SYTL2: variants seen among roughly 807,000 people sequenced by gnomAD.
SYTL2 encodes synaptotagmin like 2.
In SYTL2, 165 loss-of-function variants were observed where a neutral mutation model predicts 198.7. The ratio of observed to expected loss-of-function variants is 0.83; its 90% confidence interval spans 0.73 to 0.94. The LOEUF (loss-of-function observed/expected upper bound fraction) is 0.94, where lower values mean the gene tolerates loss of function less well. Among genes scored for constraint, SYTL2 ranks in the 40% least tolerant of loss-of-function variants. The pLI is 0.00. For synonymous variants in SYTL2, 966 were observed against 917.7 expected (o/e 1.05, Z -0.95); for missense variants, 2,835 against 2,582.8 (o/e 1.10, Z -2.12).
At chr11:85,853,301 T>G in the SYTL2 span, 47 of 442,660 alleles carry the variant, frequency 1.1e-4, no homozygotes, top group East Asian at 3.4e-3. Flanking sequence ...GGAGACTCCA[T>G]TTTGTTCTGT....
chr11:85,773,112 T>C (rs73518846), intron 1 of SYTL2, among the ~76,000 whole-genome samples: 24,349 of 152,090 alleles, frequency 0.16, 3,176 homozygotes, highest in African/African-American at 0.36. Context: ...GCCATGAGTG[T>C]TTCACTTTCC....
At position 85,711,218 on chromosome 11, in the gene SYTL2, T is replaced by C. The variant is rs1232314889; in HGVS notation, c.5640A>G (p.Glu1880=). 1 of 1,613,922 alleles carries C rather than the reference T, an allele frequency of 6.2e-7. No homozygotes were observed. The highest frequency in any genetic ancestry group is 8.5e-7 in the Non-Finnish European group (1 of 1,179,916). Residue 1880 remains glutamate (E), a synonymous_variant, in exon 13 of 20, where the codon GAA becomes GAG. Transcript: ENST00000359152. ...AACTGCTTTCTGATGCTGTATCTGT[T>C]TCTCTGTCATCACTCTACAAAACAG... ...AFLQDESDDR[E]TDTASESSYQ... is the part of the protein sequence containing the mutation.
At chr11:85,785,822 A>G (rs1431910552) in intron 1 of SYTL2, among the ~76,000 whole-genome samples, 2 of 152,236 alleles carry the variant, frequency 1.3e-5, no homozygotes, top group Non-Finnish European at 2.9e-5. Context: ...CCTAGCTCAA[A>G]AAATACCTGT....
At chr11:85,792,190 C>G (rs1566029808) in intron 1 of SYTL2, among the ~76,000 whole-genome samples, 1 of 152,012 alleles carries the variant, frequency 6.6e-6, no homozygotes, top group Admixed American at 6.6e-5. Flanking sequence ...ACATGACTTA[C>G]TTGGGAAACC....
At chr11:85,751,861 T>C (rs1448016549) in intron 2 of SYTL2, among the ~76,000 whole-genome samples, 1 of 152,244 alleles carries the variant, frequency 6.6e-6, no homozygotes. Flanking sequence ...AAACCCTGTC[T>C]GGCTATTTGT....
chr11:85,696,578 A>C, intron 18 of SYTL2, 190 bp from the exon 19 acceptor site: 3 of 593,398 alleles, frequency 5.1e-6, no homozygotes, highest in Non-Finnish European at 9.0e-6. Context: ...CTCTGGACCT[A>C]GAGTCAGCTA....
chr11:85,833,777 C>T, the SYTL2 span, among the ~76,000 whole-genome samples: 3 of 143,084 alleles, frequency 2.1e-5, no homozygotes, highest in African/African-American at 7.8e-5. Context: ...GTCATCCAGG[C>T]TGTAGTGTTG....
At chr11:85,717,621 C>T in intron 10 of SYTL2, 91 bp from the exon 11 acceptor site, 12 of 1,048,480 alleles carry the variant, frequency 1.1e-5, no homozygotes, top group Non-Finnish European at 1.6e-5. Flanking sequence ...AGTTTCACAA[C>T]TGAGACAGCA....
Position 85,734,259 on chromosome 11 carries a change from A to C in SYTL2, c.1070T>G (p.Phe357Cys). ...GLIHGREVGE[F>C]SVLESDRLKN... ...CAATCTGTCAGATTCTAAAACACTA[A>C]ATTCTCCTACTTCCCGACCATGGAT... is the stretch of plus-strand genomic sequence containing the variant. The change falls in exon 7 of 20, where the codon TTT becomes TGT. Residue 357 changes from phenylalanine to cysteine, a missense_variant. Around this residue, in one of 3 missense-constraint regions of SYTL2, gnomAD observed 2,645 missense variants for 2,381.7 expected, o/e 1.11. Coordinates refer to ENST00000359152, the MANE Select transcript of SYTL2 (RefSeq NM_206927.4). 1.2e-6 allele frequency: 2 copies of C among 1,614,146 alleles called. No homozygotes were observed. Among genetic ancestry groups the C allele is most frequent in the Non-Finnish European group, 1.7e-6 (2 of 1,180,020 alleles).
intron 7 of SYTL2, chr11:85,733,472 G>A (rs1339127164): frequency 6.5e-6 from 1 of 152,986 alleles, no homozygotes; most frequent in African/African-American, 2.4e-5. Context: ...AGCCCATTAA[G>A]AGGTATAAAC....
At chr11:85,786,841 T>A (rs1357892929) in intron 1 of SYTL2, among the ~76,000 whole-genome samples, 1 of 152,234 alleles carries the variant, frequency 6.6e-6, no homozygotes, top group African/African-American at 2.4e-5. Flanking sequence ...TAAAAGGTCA[T>A]GAAGTAAGCA....
At chr11:85,846,010 G>C in the SYTL2 span, among the ~76,000 whole-genome samples, 2 of 152,154 alleles carry the variant, frequency 1.3e-5, no homozygotes, top group South Asian at 2.1e-4. Flanking sequence ...GTGATCTCTC[G>C]CTCCTGTGGC....
At position 85,726,466 on chromosome 11, in the gene SYTL2, T is replaced by C. The variant is rs2089189128; in HGVS notation, c.2892A>G (p.Leu964=). ...CATTGGGTTCATCCATTCTTTCTTT[T>C]AGGGACATAACTTTAAAGTTGGCAT... ...ESNANFKVMS[L]KERMDEPNAE... is the part of the protein sequence containing the mutation. Residue 964 remains leucine, a synonymous_variant, in exon 8 of 20, where the codon CTA becomes CTG. Transcript: ENST00000359152. The C allele has an allele frequency of 1.2e-6, 2 of 1,612,546 alleles. No homozygotes were observed. Among genetic ancestry groups the C allele is most frequent in the Non-Finnish European group, 1.7e-6 (2 of 1,179,972 alleles).
intron 13 of SYTL2, 83 bp downstream of exon 13, chr11:85,711,030 G>A: frequency 7.1e-7 from 1 of 1,416,650 alleles, no homozygotes; most frequent in Non-Finnish European, 9.6e-7. Flanking sequence ...ACAGGAGGAG[G>A]CTGTTTTACA....
the SYTL2 span, among the ~76,000 whole-genome samples, chr11:85,832,801 G>A: frequency 6.6e-6 from 1 of 151,328 alleles, no homozygotes; most frequent in South Asian, 2.1e-4. Flanking sequence ...AGACCAGCCT[G>A]GGCAACATAG....
intron 2 of SYTL2, among the ~76,000 whole-genome samples, chr11:85,755,498 C>G (rs1382130517): frequency 6.6e-6 from 1 of 152,160 alleles, no homozygotes; most frequent in African/African-American, 2.4e-5. Context: ...TGCTGGGGCA[C>G]CTTCAGAAAC....
At chr11:85,713,326 C>T (rs1384389998) in intron 12 of SYTL2, among the ~76,000 whole-genome samples, 1 of 152,158 alleles carries the variant, frequency 6.6e-6, no homozygotes, top group Non-Finnish European at 1.5e-5. Context: ...AAACTACAAA[C>T]AGTAGCAGCT....
At chr11:85,737,247 T>C (rs1483194692) in intron 5 of SYTL2, among the ~76,000 whole-genome samples, 1 of 152,196 alleles carries the variant, frequency 6.6e-6, no homozygotes, top group African/African-American at 2.4e-5. Context: ...AAGCTATGCA[T>C]AGGAATATAG....
At chr11:85,837,453 C>T in the SYTL2 span, among the ~76,000 whole-genome samples, 8 of 152,198 alleles carry the variant, frequency 5.3e-5, no homozygotes, top group African/African-American at 1.9e-4. Flanking sequence ...AAAACCCAAC[C>T]CTGATGGCAC....
Sources: gnomAD v4.1 joint callset for allele counts (sites outside exome capture counted in the v4.1 genomes callset) on GRCh38, gnomAD v4.1.1 for gene constraint, gnomAD v4.1.1 regional missense constraint, MANE v1.5 for transcripts, NCBI Gene and HGNC (gene_info 2026-07-23, HGNC 2026-07-21) for gene names.